The following KCNIP1 variants were observed in gnomAD, a reference collection of about 807,000 sequenced individuals.
The protein encoded by KCNIP1 is potassium voltage-gated channel interacting protein 1.
A neutral mutation model predicts 33.0 loss-of-function variants in KCNIP1; 18 were observed. The ratio of observed to expected loss-of-function variants is 0.55; its 90% CI spans 0.38 to 0.81. The LOEUF is 0.81. Among genes scored for constraint, KCNIP1 ranks in the 30% least tolerant of loss-of-function variants. The pLI is 0.00. For synonymous variants in KCNIP1, 93 were observed against 98.3 expected, an observed-to-expected ratio of 0.95 and a Z score of 0.32; for missense variants, 238 against 271.6, an observed-to-expected ratio of 0.88 and a Z score of 0.87.
chr5:170,661,840 C>A (rs17650294), intron 1 of KCNIP1, among the ~76,000 whole-genome samples: 2 of 152,190 alleles, frequency 1.3e-5, no homozygotes, highest in Non-Finnish European at 2.9e-5. Flanking sequence ...AGGAATCAGA[C>A]GCCAACCTGT....
At chr5:170,609,134 G>A (rs1453756315) in intron 1 of KCNIP1, among the ~76,000 whole-genome samples, 1 of 152,158 alleles carries the variant, frequency 6.6e-6, no homozygotes, top group African/African-American at 2.4e-5. Flanking sequence ...GCAAAGACTG[G>A]AAACGAGAAA....
intron 1 of KCNIP1, among the ~76,000 whole-genome samples, chr5:170,507,064 C>G (rs1226219007): frequency 3.3e-5 from 5 of 152,300 alleles, no homozygotes; most frequent in African/African-American, 1.2e-4. Context: ...TTACATTAGG[C>G]ATTTCCTCAG....
intron 1 of KCNIP1, among the ~76,000 whole-genome samples, chr5:170,713,743 C>T (rs1763538543): frequency 1.3e-5 from 2 of 152,074 alleles, no homozygotes; most frequent in African/African-American, 2.4e-5. Context: ...GACGGATGGC[C>T]GGGTGCAGTG....
intron 2 of KCNIP1, among the ~76,000 whole-genome samples, 165 bp from the exon 3 acceptor site, chr5:170,720,156 T>C (rs997121384): frequency 1.3e-5 from 2 of 152,188 alleles, no homozygotes; most frequent in Non-Finnish European, 2.9e-5. Context: ...CTCATCATTT[T>C]GCAAAGCAGC....
At chr5:170,514,815 T>G (rs1178655031) in intron 1 of KCNIP1, among the ~76,000 whole-genome samples, 2 of 152,254 alleles carry the variant, frequency 1.3e-5, no homozygotes, top group African/African-American at 4.8e-5. Context: ...TGCCAAGGAC[T>G]GTGCAAGGTG....
At position 170,368,832 on chromosome 5, in the gene KCNIP1, G is replaced by A. The variant is rs147343815; in HGVS notation, c.88+14868G>A. Among the ~76,000 whole-genome samples, 559 of 152,216 alleles carry A rather than the reference G, an allele frequency of 3.7e-3. 3 individuals are homozygous for A. Among genetic ancestry groups the A allele is most frequent in the African/African-American group, 0.013 (525 of 41,524 alleles). On this transcript the variant is annotated intron_variant, in intron 1 of 7. Transcript: ENST00000377360. Reference sequence around the variant, plus strand: ...GCCCACTCCCTAGTCCTGTGTCCCCGTGACCAAACCCACACACGCATTCTC... The same window carrying A: ...GCCCACTCCCTAGTCCTGTGTCCCCATGACCAAACCCACACACGCATTCTC...
chr5:170,469,012 T>C (rs562906353), intron 1 of KCNIP1, among the ~76,000 whole-genome samples: 3 of 152,340 alleles, frequency 2.0e-5, no homozygotes, highest in Admixed American at 6.5e-5. Context: ...AGAAATGTTA[T>C]TTGCATAAGC....
intron 1 of KCNIP1, among the ~76,000 whole-genome samples, chr5:170,367,420 AGGAAAGAAAGAAAGAAAGGAAAGAAAG>A (rs1561586968): frequency 1.6e-4 from 15 of 90,930 alleles, no homozygotes; most frequent in African/African-American, 4.2e-4. Context: ...AAAGAAAGAA[AGGAAAGAAAGAAAGAAAGGAAAGAAAG>A]GAAAGAAAGA....
intron 1 of KCNIP1, among the ~76,000 whole-genome samples, chr5:170,584,302 C>T (rs1348847287): frequency 1.3e-5 from 2 of 152,174 alleles, no homozygotes; most frequent in Admixed American, 1.3e-4. Flanking sequence ...TAAATGAATG[C>T]AGAAACTGCT....
chr5:170,365,086 G>A (rs938654551), intron 1 of KCNIP1, among the ~76,000 whole-genome samples: 8 of 152,140 alleles, frequency 5.3e-5, no homozygotes, highest in Non-Finnish European at 1.0e-4. Flanking sequence ...AGCTCTGTGA[G>A]GGCAGGGAAT....
intron 1 of KCNIP1, among the ~76,000 whole-genome samples, chr5:170,543,583 A>G (rs767795736): frequency 6.6e-6 from 1 of 152,184 alleles, no homozygotes; most frequent in Non-Finnish European, 1.5e-5. Context: ...ATTTTGTTTG[A>G]CTTTCACAGC....
intron 1 of KCNIP1, chr5:170,483,025 A>C: frequency 2.2e-6 from 1 of 449,764 alleles, no homozygotes; most frequent in Non-Finnish European, 4.4e-6. Context: ...GAGGTGGAAG[A>C]AACAGCCTTT....
At chr5:170,674,247 G>C (rs915603664) in intron 1 of KCNIP1, among the ~76,000 whole-genome samples, 1 of 151,448 alleles carries the variant, frequency 6.6e-6, no homozygotes, top group African/African-American at 2.4e-5. Flanking sequence ...TACATCCACA[G>C]GTTTGATTAT....
At chr5:170,626,239 A>G (rs1641391059) in intron 1 of KCNIP1, among the ~76,000 whole-genome samples, 1 of 152,222 alleles carries the variant, frequency 6.6e-6, no homozygotes, top group African/African-American at 2.4e-5. Context: ...GTTGTCATGC[A>G]GGTAGGAGCA....
At chr5:170,623,117 C>T (rs1231046956) in intron 1 of KCNIP1, among the ~76,000 whole-genome samples, 2 of 152,212 alleles carry the variant, frequency 1.3e-5, no homozygotes, top group Non-Finnish European at 2.9e-5. Flanking sequence ...GGAGCTCAGG[C>T]GGTAATGCTT....
upstream of KCNIP1, among the ~76,000 whole-genome samples, chr5:170,502,943 T>G (rs576840999): frequency 1.3e-5 from 2 of 152,130 alleles, no homozygotes; most frequent in Non-Finnish European, 2.9e-5. Flanking sequence ...CTTTGCCCAT[T>G]GGGTGAGACG....
intron 1 of KCNIP1, among the ~76,000 whole-genome samples, chr5:170,474,893 C>T (rs952733909): frequency 4.6e-5 from 7 of 152,180 alleles, no homozygotes; most frequent in Non-Finnish European, 7.3e-5. Context: ...CCCCCCACCG[C>T]GTAGAAGGGG....
chr5:170,598,889 C>CTG (rs10533640), intron 1 of KCNIP1, among the ~76,000 whole-genome samples: 5 of 141,732 alleles, frequency 3.5e-5, no homozygotes, highest in African/African-American at 8.0e-5. Context: ...CATAGCCCCG[C>CTG]TGTGTGTGTG....
rs1051121107 is a variant in KCNIP1, at chr5:170,624,076, C to T, written c.62-94682C>T. Among the ~76,000 whole-genome samples, 16 of 152,358 alleles carry T rather than the reference C, an allele frequency of 1.1e-4. No homozygotes were observed. The South Asian group carries it at 1.9e-3, about 18-fold the overall frequency. On this transcript the variant is annotated intron_variant, in intron 1 of 7. Transcript: ENST00000328939. ...TCCATCCCCTGGTCCTCTCAGCTCC[C>T]GGGCCCAGGTTTTCTGGGCTACTTT... is the stretch of plus-strand genomic sequence containing the variant.
Sources: gnomAD v4.1 joint callset for allele counts (sites outside exome capture counted in the v4.1 genomes callset) on GRCh38, gnomAD v4.1.1 for gene constraint, MANE v1.5 for transcripts, NCBI Gene and HGNC (gene_info 2026-07-23, HGNC 2026-07-21) for gene names.